The following SCMH1 variants were observed in gnomAD, a reference collection of about 807,000 sequenced individuals.
The protein encoded by SCMH1 is polycomb protein SCMH1.
In SCMH1, 37 loss-of-function variants were observed where a neutral mutation model predicts 70.8. That is an observed-to-expected ratio of 0.52 (90% CI 0.40 to 0.69). The LOEUF (loss-of-function observed/expected upper bound fraction) is 0.69. SCMH1 is among the 30% of genes least tolerant of loss of function. The probability of loss-of-function intolerance (pLI) is 0.00; values close to 1 mark genes in which losing one functional copy is unlikely to be tolerated. For missense variants in SCMH1, 607 were observed against 827.3 expected (o/e 0.73, Z 3.27); for synonymous variants, 292 against 307.4 (o/e 0.95, Z 0.52).
At position 41,048,670 on chromosome 1, in the gene SCMH1, A is replaced by G. The variant is rs1410138551; in HGVS notation, c.1306+20T>C. On this transcript the variant is annotated intron_variant, in intron 11 of 14. Coordinates refer to ENST00000337495, the Ensembl canonical transcript of SCMH1. ...TGGGTCCTTCTGGCTGGGAGGCAAT[A>G]TGAGCCAAAGTGTGCTTACCTGAGA... is the stretch of plus-strand genomic sequence containing the variant. The G allele has an allele frequency of 6.2e-7, 1 of 1,610,734 alleles. No homozygotes were observed.
chr1:41,048,208 A>G (rs1424884392), intron 11 of SCMH1, among the ~76,000 whole-genome samples: 1 of 152,228 alleles, frequency 6.6e-6, no homozygotes, highest in East Asian at 1.9e-4. Flanking sequence ...ACTGAATCAA[A>G]CTCTCATAGC....
intron 6 of SCMH1, among the ~76,000 whole-genome samples, chr1:41,121,420 G>A (rs1671911506): frequency 6.6e-6 from 1 of 152,128 alleles, no homozygotes; most frequent in Non-Finnish European, 1.5e-5. Flanking sequence ...ACTGTCTCTA[G>A]GTAAGAAGGG....
intron 2 of SCMH1, among the ~76,000 whole-genome samples, chr1:41,170,691 C>T (rs1158487915): frequency 6.6e-6 from 1 of 152,204 alleles, no homozygotes; most frequent in Admixed American, 6.5e-5. Context: ...TTATATCCCT[C>T]TATTTCTTTG....
exon 15 of SCMH1, chr1:41,028,128 G>GC: frequency 6.2e-7 from 1 of 1,600,472 alleles, no homozygotes; most frequent in Non-Finnish European, 8.5e-7. Context: ...GTGGGCTGAT[G>GC]CCCCTCATTC....
At chr1:41,067,232 G>A (rs1309023147) in intron 10 of SCMH1, among the ~76,000 whole-genome samples, 2 of 151,936 alleles carry the variant, frequency 1.3e-5, no homozygotes, top group African/African-American at 4.8e-5. Context: ...ATCACGAGGT[G>A]AGGAGATCGA....
chr1:41,081,623 G>A (rs1216759894), intron 8 of SCMH1, among the ~76,000 whole-genome samples: 1 of 152,058 alleles, frequency 6.6e-6, no homozygotes, highest in African/African-American at 2.4e-5. Context: ...TTTGAAACCA[G>A]CCTTGCAACA....
At chr1:41,181,552 A>C (rs938422744) in intron 2 of SCMH1, among the ~76,000 whole-genome samples, 6 of 152,196 alleles carry the variant, frequency 3.9e-5, no homozygotes, top group African/African-American at 1.2e-4. Flanking sequence ...ATGAACAGAC[A>C]CTTCTCAAAA....
chr1:41,237,051 T>G (rs1483997384), intron 1 of SCMH1, among the ~76,000 whole-genome samples: 2 of 152,240 alleles, frequency 1.3e-5, no homozygotes, highest in Non-Finnish European at 2.9e-5. Flanking sequence ...CAACATTATC[T>G]AAAGTACTTT....
At chr1:41,069,317 A>G (rs1197064198) in intron 10 of SCMH1, among the ~76,000 whole-genome samples, 1 of 152,212 alleles carries the variant, frequency 6.6e-6, no homozygotes, top group East Asian at 1.9e-4. Flanking sequence ...GTGGGTAGTC[A>G]TTAGAAAAAT....
At chr1:41,082,239 A>AG (rs562060736) in intron 8 of SCMH1, among the ~76,000 whole-genome samples, 77 of 152,256 alleles carry the variant, frequency 5.1e-4, no homozygotes, top group African/African-American at 1.8e-3. Context: ...AAATGAAAAA[A>AG]AGCAACTCCA....
At chr1:41,117,909 G>C (rs1390542953) in intron 6 of SCMH1, among the ~76,000 whole-genome samples, 1 of 151,798 alleles carries the variant, frequency 6.6e-6, no homozygotes, top group South Asian at 2.1e-4. Flanking sequence ...TATCAGCGCA[G>C]CCTGGCATTC....
At chr1:41,043,589 ATT>A (rs71062570) in intron 12 of SCMH1, 18 of 135,256 alleles carry the variant, frequency 1.3e-4, no homozygotes, top group Non-Finnish European at 2.1e-4. Context: ...CGCCCGGCTA[ATT>A]TTTTTTTTTT....
At chr1:41,230,073 A>G (rs1049509832) in intron 1 of SCMH1, among the ~76,000 whole-genome samples, 5 of 151,750 alleles carry the variant, frequency 3.3e-5, no homozygotes, top group East Asian at 1.9e-4. Flanking sequence ...GGTAGTCTCC[A>G]TATCATGTAG....
At chr1:41,107,785 T>A (rs1319074808) in intron 8 of SCMH1, among the ~76,000 whole-genome samples, 1 of 152,230 alleles carries the variant, frequency 6.6e-6, no homozygotes, top group Non-Finnish European at 1.5e-5. Context: ...CCCAAAGTGC[T>A]GGGATTACAG....
chr1:41,081,088 TC>T (rs1446157032), intron 8 of SCMH1, among the ~76,000 whole-genome samples: 2 of 152,152 alleles, frequency 1.3e-5, no homozygotes, highest in African/African-American at 4.8e-5. Context: ...TATTTAAAAA[TC>T]TAATGTATTT....
At position 41,053,120 on chromosome 1, in the gene SCMH1, T is replaced by TTGGTCAGGCTGGTCTC. The variant is rs1553208790; in HGVS notation, c.1106-4231_1106-4230insGAGACCAGCCTGACCA. ...TTTAGTAGAGATGGGGTTTCACCAT[T>TTGGTCAGGCTGGTCTC]GATCTGCCCGCCTCAGCCTCCCAAA... On this transcript the variant is annotated intron_variant, in intron 10 of 14. Coordinates refer to ENST00000337495, the Ensembl canonical transcript of SCMH1. Among the ~76,000 whole-genome samples the TTGGTCAGGCTGGTCTC allele has an allele frequency of 2.3e-3, 21 of 9,134 alleles. 1 individual carries two copies. The East Asian group carries it at 0.062, about 27-fold the overall frequency. 6.0% of individuals were successfully genotyped at this position (9,134 alleles called of 152,430 possible).
In SCMH1 at chr1:41,113,583, T is replaced by C. The variant is rs369336462; in HGVS notation, c.502-57A>G. ...ACACAAAGAGAGGCCATTATGCCAA[T>C]AGACTACTATCTAATTTGGATGATT... On this transcript the variant is annotated intron_variant, in intron 7 of 14. Transcript: ENST00000337495. This position sits in a 1 kb window ranked among gnomAD's most constrained non-coding sequence, Gnocchi z 4.3. 73 of 1,547,498 alleles carry C rather than the reference T, an allele frequency of 4.7e-5. No homozygotes were observed. Among genetic ancestry groups the C allele is most frequent in the East Asian group, 2.5e-4 (11 of 44,254 alleles).
At chr1:41,033,983 C>T (rs749389712) in intron 13 of SCMH1, 1 of 1,614,100 alleles carries the variant, frequency 6.2e-7, no homozygotes, top group Admixed American at 1.7e-5. Flanking sequence ...CCCCTCATAC[C>T]TGGGGAACGA....
chr1:41,110,402 A>T (rs937937890), intron 8 of SCMH1, among the ~76,000 whole-genome samples: 37 of 152,170 alleles, frequency 2.4e-4, no homozygotes, highest in Non-Finnish European at 4.9e-4. Flanking sequence ...CCTAATTTTA[A>T]AACATTTTCA....
Sources: gnomAD v4.1 joint callset for allele counts (sites outside exome capture counted in the v4.1 genomes callset) on GRCh38, gnomAD v4.1.1 for gene constraint, Gnocchi (gnomAD v3.1) non-coding constraint, MANE v1.5 for transcripts, NCBI Gene and HGNC (gene_info 2026-07-23, HGNC 2026-07-21) for gene names.